The following PLXNA1 variants were observed in gnomAD, a reference collection of about 807,000 sequenced individuals.
PLXNA1 encodes plexin A1.
Under a neutral mutation model 191.7 loss-of-function variants are expected in PLXNA1, and 77 were observed. The observed-to-expected ratio is 0.40, with a 90% CI of 0.33 to 0.49. The LOEUF is 0.49. Ranked by LOEUF, PLXNA1 falls within the 20% of genes least tolerant of loss-of-function variation. PLXNA1 has a pLI of 0.63. For synonymous variants in PLXNA1, 1,137 were observed against 1,156.4 expected (o/e 0.98, Z 0.34); for missense variants, 2,110 against 2,660.2 (o/e 0.79, Z 4.55).
At position 127,017,409 on chromosome 3, in the gene PLXNA1, C is replaced by T. The variant is rs757085845; in HGVS notation, c.3277-16C>T. 8.4e-5 allele frequency: 135 copies of T among 1,609,384 alleles called. No individual in the cohort carries two copies. Among genetic ancestry groups the T allele is most frequent in the Non-Finnish European group, 1.1e-4 (131 of 1,177,844 alleles). On this transcript the variant is annotated splice_polypyrimidine_tract_variant and intron_variant, in intron 17 of 31. Coordinates refer to ENST00000393409, the MANE Select transcript of PLXNA1 (RefSeq NM_032242.4). The stretch of plus-strand genomic sequence containing the variant: ...TCGCGGAGGTCCCGCCCAGCATCCC[C>T]ACCCTGTGTCTCCAGGGCTGCCTGG...
rs2079233122 is a variant in PLXNA1, at chr3:127,035,004, C to T, written c.*987C>T. 1 of 152,784 alleles carries T rather than the reference C, an allele frequency of 6.5e-6. No individual in the cohort carries two copies. Among genetic ancestry groups the T allele is most frequent in the South Asian group, 2.1e-4 (1 of 4,826 alleles). 9.5% of individuals were successfully genotyped at this position (152,784 alleles called of 1,614,324 possible). The stretch of plus-strand genomic sequence containing the variant: ...GCATCTCAGCAGTGTCCTGGCCCCT[C>T]CAGAGCAGTGGGACATCTGGGGACT... On this transcript the variant is annotated 3_prime_UTR_variant, in exon 32 of 32. Transcript: ENST00000393409.
intron 15 of PLXNA1, 107 bp from the exon 16 acceptor site, chr3:127,016,410 G>A (rs1053438840): frequency 1.0e-6 from 1 of 960,428 alleles, no homozygotes; most frequent in Non-Finnish European, 1.6e-6. Flanking sequence ...ACCCAAGGCA[G>A]TACCTGTGAC....
Position 126,991,278 on chromosome 3 carries a change from C to G in PLXNA1, c.1195-106C>G, listed in dbSNP as rs560214235. 238 of 1,305,856 alleles carry G rather than the reference C, an allele frequency of 1.8e-4. 1 individual carries two copies. The African/African-American group carries it at 3.1e-3, about 17-fold the overall frequency. The allele number at this position is 1,305,856 out of a possible 1,614,324, so 80.9% of individuals were successfully genotyped here. A position where few individuals can be genotyped will look rare whatever the true frequency, so the allele number is the denominator to read the frequency against. On this transcript the variant is annotated intron_variant, in intron 2 of 31. Transcript: ENST00000393409. The stretch of plus-strand genomic sequence containing the variant: ...TGCACCTCTCCTCTGGGGGCTACCC[C>G]CAACCTCTCTAGAAAGACAACTGCA...
At chr3:126,985,918 T>C (rs1013988248) in intron 1 of PLXNA1, among the ~76,000 whole-genome samples, 3 of 152,118 alleles carry the variant, frequency 2.0e-5, no homozygotes, top group Admixed American at 2.0e-4. Context: ...GGCTCGGGGC[T>C]CCCCCTTTCT....
At chr3:127,004,540 G>A (rs1246376121) in intron 4 of PLXNA1, 71 bp from the exon 5 acceptor site, 22 of 1,026,874 alleles carry the variant, frequency 2.1e-5, no homozygotes, top group Non-Finnish European at 3.1e-5. Context: ...GCAGAGTAGG[G>A]AGTCAGAGGT....
chr3:127,018,648 T>C, intron 20 of PLXNA1, 120 bp downstream of exon 20: 2 of 794,622 alleles, frequency 2.5e-6, no homozygotes, highest in Non-Finnish European at 4.0e-6. Context: ...ACAATGTTCC[T>C]GATAGCCTTG....
Position 127,005,075 on chromosome 3 carries a change from C to T in PLXNA1, c.1744-15C>T, listed in dbSNP as rs1020760593. On this transcript the variant is annotated splice_polypyrimidine_tract_variant and intron_variant, in intron 6 of 31. Coordinates refer to ENST00000393409, the MANE Select transcript of PLXNA1 (RefSeq NM_032242.4). ...ATGGGGACCCTGCTCACCATGCCTC[C>T]TGCTGCCTGCCCAGCTTGTGCTGCA... 6.2e-7 allele frequency: 1 copy of T among 1,611,960 alleles called. No individual in the cohort carries two copies. The highest frequency in any genetic ancestry group is 8.5e-7 in the Non-Finnish European group (1 of 1,179,328).
chr3:127,019,769 G>T (rs1216611169), intron 20 of PLXNA1, among the ~76,000 whole-genome samples: 2 of 152,194 alleles, frequency 1.3e-5, no homozygotes, highest in Non-Finnish European at 1.5e-5. Context: ...GGTGGGCCAT[G>T]TTGAGGGTGC....
rs774730672 is a variant in PLXNA1, at chr3:126,989,400, G to T, written c.807G>T (p.Ser269=). 1.9e-6 allele frequency: 3 copies of T among 1,613,504 alleles called. No homozygotes were observed. Among genetic ancestry groups the T allele is most frequent in the Non-Finnish European group, 2.5e-6 (3 of 1,180,042 alleles). The stretch of plus-strand genomic sequence containing the variant: ...TGCAGCTAGACACACAGCTGACCTC[G>T]CCTGATGCCGCCGGCGAGCACTTCT... ...LTLQLDTQLT[S]PDAAGEHFFT... The change falls in exon 2 of 32, where the codon TCG becomes TCT. Residue 269 remains serine, a synonymous_variant. Transcript: ENST00000393409.
At chr3:127,029,297 T>C (rs2079193808) in intron 26 of PLXNA1, 143 bp from the exon 27 acceptor site, 3 of 866,294 alleles carry the variant, frequency 3.5e-6, no homozygotes, top group Non-Finnish European at 5.7e-6. Flanking sequence ...TGGGCTGTCC[T>C]GATATAGAGT....
chr3:127,022,973 C>G (rs995332513), intron 23 of PLXNA1, among the ~76,000 whole-genome samples, 155 bp downstream of exon 23: 3 of 152,202 alleles, frequency 2.0e-5, no homozygotes, highest in African/African-American at 7.2e-5. Flanking sequence ...GGGCATGCAG[C>G]CGCTCTCAGC....
At chr3:127,003,610 C>T (rs1230518274) in intron 4 of PLXNA1, 140 bp downstream of exon 4, 11 of 1,003,494 alleles carry the variant, frequency 1.1e-5, no homozygotes, top group Non-Finnish European at 1.5e-5. Flanking sequence ...TCAAGCTGGT[C>T]TGTGCTCTGC....
At chr3:127,004,479 G>A in intron 4 of PLXNA1, 132 bp from the exon 5 acceptor site, 1 of 704,534 alleles carries the variant, frequency 1.4e-6, no homozygotes, top group South Asian at 1.8e-5. Flanking sequence ...CACCAGATCT[G>A]CCTTTGAATA....
chr3:127,008,737 CAGGCTGG>C (rs1390979962), intron 9 of PLXNA1, among the ~76,000 whole-genome samples: 1 of 152,226 alleles, frequency 6.6e-6, no homozygotes, highest in East Asian at 1.9e-4. Context: ...ACTTCCCTGC[CAGGCTGG>C]GGGCTGGGGG....
intron 3 of PLXNA1, among the ~76,000 whole-genome samples, chr3:126,997,121 G>A (rs1360844460): frequency 6.6e-6 from 1 of 152,214 alleles, no homozygotes; most frequent in Non-Finnish European, 1.5e-5. Flanking sequence ...CAGCTGTGGT[G>A]CGTGCCATGT....
rs1045143459 is a variant in PLXNA1 at position 127,012,089 on chromosome 3, C to T, written c.2244C>T (p.Ile748=). 3 of 1,613,624 alleles carry T rather than the reference C, an allele frequency of 1.9e-6. No homozygotes were observed. The highest frequency in any genetic ancestry group is 4.5e-5 in the East Asian group (2 of 44,880). The change falls in exon 10 of 32, where the codon ATC becomes ATT. Residue 748 remains isoleucine, a synonymous_variant. Coordinates refer to ENST00000393409, the MANE Select transcript of PLXNA1 (RefSeq NM_032242.4). ...GQRGYECLFH[I]PGSPARVTAL... ...GTGGATATGAGTGCCTCTTCCACAT[C>T]CCGGGCAGCCCGGCCCGTGTCACCG...
At chr3:127,017,093 C>A in intron 17 of PLXNA1, 56 bp downstream of exon 17, 1 of 1,463,234 alleles carries the variant, frequency 6.8e-7, no homozygotes, top group South Asian at 1.2e-5. Flanking sequence ...TGGGATGGGG[C>A]TCCTGCTAGG....
intron 3 of PLXNA1, among the ~76,000 whole-genome samples, chr3:127,001,612 G>A (rs1242287893): frequency 6.6e-6 from 1 of 152,224 alleles, no homozygotes; most frequent in Non-Finnish European, 1.5e-5. Context: ...TGCGCACTGG[G>A]CATACCTGCC....
intron 3 of PLXNA1, among the ~76,000 whole-genome samples, chr3:127,002,309 G>A (rs1015665816): frequency 1.3e-5 from 2 of 152,226 alleles, no homozygotes; most frequent in African/African-American, 2.4e-5. Context: ...GGTGGCCGGC[G>A]GCGCTCAGGA....
Sources: allele counts gnomAD v4.1 joint callset (sites outside exome capture counted in the v4.1 genomes callset), GRCh38; gene constraint gnomAD v4.1.1; transcripts MANE v1.5; gene names NCBI Gene and HGNC (gene_info 2026-07-23, HGNC 2026-07-21).